The following ADH1B variants were observed in gnomAD, a reference collection of about 807,000 sequenced individuals.
ADH1B encodes all-trans-retinol dehydrogenase [NAD(+)] ADH1B.
A neutral mutation model predicts 34.6 loss-of-function variants in ADH1B; 29 were observed. The observed-to-expected ratio is 0.84, with a 90% CI of 0.62 to 1.14. ADH1B has a LOEUF of 1.14. ADH1B is among the 50% of genes most tolerant of loss of function. The probability of loss-of-function intolerance (pLI) is 0.00; values close to 1 mark genes in which losing one functional copy is unlikely to be tolerated. For synonymous variants in ADH1B, 170 were observed against 175.5 expected (o/e 0.97, Z 0.25); for missense variants, 424 against 468.4 (o/e 0.91, Z 0.87).
chr4:99,316,147 G>A (rs1733879818), intron 4 of ADH1B, 30 bp from the exon 5 acceptor site: 2 of 1,613,956 alleles, frequency 1.2e-6, no homozygotes, highest in Non-Finnish European at 1.7e-6. Flanking sequence ...GACACACAAA[G>A]GCATGAGACA....
At chr4:99,319,027 T>C in intron 1 of ADH1B, 141 bp from the exon 2 acceptor site, 1 of 912,382 alleles carries the variant, frequency 1.1e-6, no homozygotes, top group South Asian at 1.3e-5. Context: ...AGTACTCTGG[T>C]TTATAAAGAG....
intron 5 of ADH1B, chr4:99,314,301 G>T (rs1315625500): frequency 3.3e-5 from 24 of 721,932 alleles, no homozygotes; most frequent in Non-Finnish European, 2.0e-5. Flanking sequence ...ATTCATCTGG[G>T]GAGCTTTACA....
chr4:99,308,992 G>GAAAATTTGAGACATTGCATATACA, intron 8 of ADH1B, among the ~76,000 whole-genome samples: 1 of 151,796 alleles, frequency 6.6e-6, no homozygotes, highest in African/African-American at 2.4e-5. Context: ...TATAAAAAAA[G>GAAAATTTGAGACATTGCATATACA]AAAATTTGAG....
chr4:99,310,861 A>G lies in ADH1B; in HGVS notation c.1007T>C (p.Phe336Ser), dbSNP rs1733736539. 6.2e-7 allele frequency: 1 copy of G among 1,613,540 alleles called. No homozygotes were observed. Among genetic ancestry groups the G allele is most frequent in the Non-Finnish European group, 8.5e-7 (1 of 1,179,718 alleles). ...KEGIPKLVAD[F>S]MAKKFSLDAL... The stretch of plus-strand genomic sequence containing the variant: ...ATCCAGTGAAAACTTCTTAGCCATA[A>G]AATCAGCCACAAGTTTTGGGATACC... Residue 336 changes from phenylalanine to serine, a missense_variant, in exon 8 of 9, where the codon TTT becomes TCT. Physicochemically the swap from Phe to Ser is radical, Grantham distance 155. Coordinates refer to ENST00000305046, the MANE Select transcript of ADH1B (RefSeq NM_000668.6).
chr4:99,319,161 G>T (rs1733960310), intron 1 of ADH1B: 5 of 486,276 alleles, frequency 1.0e-5, no homozygotes, highest in Non-Finnish European at 1.5e-5. Flanking sequence ...CTCTGAAGGT[G>T]TTTATTCCTG....
In ADH1B at chr4:99,315,990, C is replaced by T; in HGVS notation, c.475G>A (p.Ala159Thr). 6.2e-7 allele frequency: 1 copy of T among 1,614,170 alleles called. No individual in the cohort carries two copies. Among genetic ancestry groups the T allele is most frequent in the Non-Finnish European group, 8.5e-7 (1 of 1,180,028 alleles). Reference sequence around the variant, plus strand: ...AGGGGCGAGGCTGCATCAATTTTGGCCACTGCATTCTCATCCACCACCGTG... The same window carrying T: ...AGGGGCGAGGCTGCATCAATTTTGGTCACTGCATTCTCATCCACCACCGTG... The part of the protein sequence containing the change: ...QYTVVDENAV[A>T]KIDAASPLEK... Residue 159 changes from alanine (A) to threonine (T), a missense_variant, in exon 5 of 9, where the codon GCC becomes ACC. Ala to Thr is a moderately conservative substitution (Grantham distance 58). Transcript: ENST00000305046.
chr4:99,313,032 CTT>C (rs1267119599), intron 6 of ADH1B, among the ~76,000 whole-genome samples: 9 of 142,072 alleles, frequency 6.3e-5, no homozygotes, highest in Non-Finnish European at 1.5e-5. Flanking sequence ...TTTCTTTTTT[CTT>C]TTTTTTTTTT....
intron 1 of ADH1B, chr4:99,320,653 G>T: frequency 6.2e-6 from 2 of 320,730 alleles, no homozygotes; most frequent in Non-Finnish European, 9.5e-6. Flanking sequence ...TATTCAAATT[G>T]TATCATTGAT....
Position 99,306,715 on chromosome 4 carries a change from A to T in ADH1B, c.*1125T>A, listed in dbSNP as rs1733618972. ...AGAGTGGGAAAAGCATTAACAAAGC[A>T]TTAACACAGGTCTTTACATATTCAA... is the stretch of plus-strand genomic sequence containing the variant. On this transcript the variant is annotated 3_prime_UTR_variant, in exon 9 of 9. Transcript: ENST00000305046. 6.6e-6 allele frequency: 1 copy of T among 152,246 alleles called. No individual in the cohort carries two copies. Among genetic ancestry groups the T allele is most frequent in the Non-Finnish European group, 1.5e-5 (1 of 68,036 alleles). 9.4% of individuals were successfully genotyped at this position (152,246 alleles called of 1,614,324 possible).
In ADH1B at chr4:99,307,759, T is replaced by A. The variant is rs1579506646; in HGVS notation, c.*81A>T. On this transcript the variant is annotated 3_prime_UTR_variant, in exon 9 of 9. Coordinates refer to ENST00000305046, the MANE Select transcript of ADH1B (RefSeq NM_000668.6). Reference sequence around the variant, plus strand: ...TAACATCTCTGAAGAGCTGAATTAATGATATTTCCTAGCTGTTGCTCCAGA... The same window carrying A: ...TAACATCTCTGAAGAGCTGAATTAAAGATATTTCCTAGCTGTTGCTCCAGA... 2.0e-6 allele frequency: 3 copies of A among 1,503,268 alleles called. No individual in the cohort carries two copies. The highest frequency in any genetic ancestry group is 2.8e-5 in the African/African-American group (2 of 72,044). The allele number at this position is 1,503,268 out of a possible 1,614,324, so 93.1% of individuals were successfully genotyped here.
At chr4:99,316,415 G>T in intron 3 of ADH1B, 113 bp from the exon 4 acceptor site, 1 of 1,099,596 alleles carries the variant, frequency 9.1e-7, no homozygotes, top group Admixed American at 2.6e-5. Context: ...AGTCTTTAAG[G>T]AATAGAGTTC....
At position 99,307,688 on chromosome 4, in the gene ADH1B, C is replaced by T. The variant is rs1018395124; in HGVS notation, c.*152G>A. ...TAAATTTTCCTGAAAAATAATTTCC[C>T]ATCAATTTCCATTTCTTTGGAAAGC... On this transcript the variant is annotated 3_prime_UTR_variant, in exon 9 of 9. Coordinates refer to ENST00000305046, the MANE Select transcript of ADH1B (RefSeq NM_000668.6). 2 of 919,660 alleles carry T rather than the reference C, an allele frequency of 2.2e-6. No individual in the cohort carries two copies. The highest frequency in any genetic ancestry group is 1.7e-5 in the African/African-American group (1 of 57,746). The allele number at this position is 919,660 out of a possible 1,614,324, so 57.0% of individuals were successfully genotyped here.
intron 3 of ADH1B, chr4:99,317,726 C>A: frequency 3.4e-6 from 1 of 294,934 alleles, no homozygotes; most frequent in Non-Finnish European, 6.2e-6. Context: ...CCAACACTAA[C>A]ACAGAATTAC....
chr4:99,318,205 G>A (rs762410490), intron 2 of ADH1B, 21 bp from the exon 3 acceptor site: 1 of 1,612,880 alleles, frequency 6.2e-7, no homozygotes, highest in South Asian at 1.1e-5. Context: ...AAGAGAAGCT[G>A]TTCAGATTCA....
intron 1 of ADH1B, chr4:99,319,694 A>T (rs1057131054): frequency 8.5e-5 from 13 of 152,190 alleles, no homozygotes; most frequent in African/African-American, 3.1e-4. Context: ...AATAAAGTTC[A>T]GCATATATTT....
At chr4:99,310,723 G>T in intron 8 of ADH1B, 42 bp downstream of exon 8, 1 of 1,590,980 alleles carries the variant, frequency 6.3e-7, no homozygotes, top group South Asian at 1.2e-5. Context: ...AATCCCCTAT[G>T]GTAGAAAAAA....
chr4:99,317,860 A>G (rs1430536574), intron 3 of ADH1B, 186 bp downstream of exon 3: 4 of 895,740 alleles, frequency 4.5e-6, no homozygotes, highest in Non-Finnish European at 1.7e-6. Flanking sequence ...GGTACAATAC[A>G]TGAGTGCCTG....
rs1733597100 is a variant in ADH1B, at chr4:99,305,716, C to T, written c.*2124G>A. 1 of 150,986 alleles carries T rather than the reference C, an allele frequency of 6.6e-6. No homozygotes were observed. Among genetic ancestry groups the T allele is most frequent in the South Asian group, 2.1e-4 (1 of 4,758 alleles). The allele number at this position is 150,986 out of a possible 1,614,324, so 9.4% of individuals were successfully genotyped here. A position where few individuals can be genotyped will look rare whatever the true frequency, so the allele number is the denominator to read the frequency against. On this transcript the variant is annotated 3_prime_UTR_variant, in exon 9 of 9. Coordinates refer to ENST00000305046, the MANE Select transcript of ADH1B (RefSeq NM_000668.6). The stretch of plus-strand genomic sequence containing the variant: ...CCACTCCCATCCCATGGAGGACTTG[C>T]CACTCTATGACAACACTGGCAGAGC...
rs760179023 is a variant in ADH1B at position 99,311,548 on chromosome 4, G to A, written c.937C>T (p.Arg313Cys). ...CCATAAACAGCCCCCTTCCAGGTGC[G>A]TCCAGTCAGTAGCAGCATAGGGTTT... ...SINPMLLLTG[R>C]TWKGAVYGGF... Residue 313 changes from arginine (R) to cysteine (C), a missense_variant, in exon 7 of 9, where the codon CGC becomes TGC. Arg to Cys is a radical substitution (Grantham distance 180). Coordinates refer to ENST00000305046, the MANE Select transcript of ADH1B (RefSeq NM_000668.6). 201 of 1,613,928 alleles carry A rather than the reference G, an allele frequency of 1.2e-4. 3 individuals are homozygous for A. In the Middle Eastern group the frequency reaches 9.4e-3, roughly 76 times the overall value.
Sources: allele counts gnomAD v4.1 joint callset (sites outside exome capture counted in the v4.1 genomes callset), GRCh38; gene constraint gnomAD v4.1.1; transcripts MANE v1.5; gene names NCBI Gene and HGNC (gene_info 2026-07-23, HGNC 2026-07-21).